THSD7A: variants seen among roughly 807,000 people sequenced by gnomAD.
THSD7A encodes the protein thrombospondin type-1 domain-containing protein 7A.
In THSD7A, 96 loss-of-function variants were observed where a neutral mutation model predicts 231.3. That is an observed-to-expected ratio of 0.41 (90% confidence interval 0.35 to 0.49). THSD7A has a LOEUF of 0.49. THSD7A is among the 20% of genes least tolerant of loss of function. THSD7A has a pLI of 0.05. For missense variants in THSD7A, 2,290 were observed against 2,070.2 expected (o/e 1.11, Z -2.06); for synonymous variants, 940 against 743.3 (o/e 1.26, Z -4.30).
intron 1 of THSD7A, among the ~76,000 whole-genome samples, chr7:11,811,805 G>C (rs1194766410): frequency 6.6e-6 from 1 of 152,072 alleles, no homozygotes; most frequent in Non-Finnish European, 1.5e-5. Context: ...TTTTCACTTG[G>C]ATTCTTTCTG....
At chr7:11,702,360 G>A (rs984282417) in intron 1 of THSD7A, among the ~76,000 whole-genome samples, 1 of 151,194 alleles carries the variant, frequency 6.6e-6, no homozygotes, top group South Asian at 2.1e-4. Flanking sequence ...CCTTGTTACA[G>A]CATGACTGTG....
At chr7:11,785,622 G>C (rs1449179543) in intron 1 of THSD7A, among the ~76,000 whole-genome samples, 2 of 151,980 alleles carry the variant, frequency 1.3e-5, no homozygotes, top group African/African-American at 4.8e-5. Context: ...TGTACTCTTA[G>C]TATACTATGT....
chr7:11,790,244 TTTCTC>T (rs1201733766), intron 1 of THSD7A, among the ~76,000 whole-genome samples: 4 of 151,936 alleles, frequency 2.6e-5, no homozygotes, highest in African/African-American at 9.7e-5. Context: ...GCTTTCTACA[TTTCTC>T]TACCAATAAG....
chr7:11,452,703 G>T (rs1163636608), intron 11 of THSD7A, among the ~76,000 whole-genome samples: 1 of 151,928 alleles, frequency 6.6e-6, no homozygotes, highest in Non-Finnish European at 1.5e-5. Flanking sequence ...ACGGTGCCAA[G>T]CTTATTTTAT....
intron 2 of THSD7A, among the ~76,000 whole-genome samples, chr7:11,617,012 A>G (rs928822889): frequency 1.3e-5 from 2 of 152,352 alleles, no homozygotes; most frequent in African/African-American, 4.8e-5. Flanking sequence ...CAATATTTAA[A>G]AACATATCAC....
At chr7:11,557,810 C>G (rs1347410113) in intron 4 of THSD7A, among the ~76,000 whole-genome samples, 2 of 152,084 alleles carry the variant, frequency 1.3e-5, no homozygotes, top group East Asian at 3.9e-4. Context: ...TAGCAACTAG[C>G]AGTGATGGAA....
At chr7:11,460,579 A>G in intron 11 of THSD7A, 83 bp downstream of exon 11, 2 of 1,054,832 alleles carry the variant, frequency 1.9e-6, no homozygotes, top group Non-Finnish European at 2.8e-6. Flanking sequence ...TTTGCTAAGC[A>G]TGGTGTCCAA....
At chr7:11,661,692 A>G (rs1181104895) in intron 1 of THSD7A, among the ~76,000 whole-genome samples, 3 of 151,238 alleles carry the variant, frequency 2.0e-5, no homozygotes, top group South Asian at 4.1e-4. Flanking sequence ...TTAAGATACA[A>G]TTGAATTAAG....
At chr7:11,432,923 T>G (rs1251776957) in intron 13 of THSD7A, among the ~76,000 whole-genome samples, 1 of 151,984 alleles carries the variant, frequency 6.6e-6, no homozygotes, top group African/African-American at 2.4e-5. Context: ...GATCACAAAT[T>G]TGGCATGAAG....
chr7:11,575,999 T>G (rs1025250159), intron 4 of THSD7A, among the ~76,000 whole-genome samples: 11 of 152,216 alleles, frequency 7.2e-5, no homozygotes, highest in Non-Finnish European at 1.6e-4. Context: ...AACTGGTTTC[T>G]GTTGCCTAAT....
chr7:11,767,012 G>A (rs1783051485), intron 1 of THSD7A, among the ~76,000 whole-genome samples: 1 of 152,116 alleles, frequency 6.6e-6, no homozygotes, highest in Non-Finnish European at 1.5e-5. Context: ...TGGTTAAGGA[G>A]GAGTGCCATG....
intron 6 of THSD7A, among the ~76,000 whole-genome samples, chr7:11,540,449 G>A (rs529622798): frequency 2.6e-5 from 4 of 152,290 alleles, no homozygotes; most frequent in East Asian, 1.9e-4. Context: ...GAATTATGAC[G>A]GTTACCAGAT....
chr7:11,580,761 T>A (rs1791123282), intron 4 of THSD7A, among the ~76,000 whole-genome samples: 1 of 151,882 alleles, frequency 6.6e-6, no homozygotes, highest in East Asian at 1.9e-4. Flanking sequence ...AGGGAGAGGA[T>A]CAGGAAAAAT....
intron 7 of THSD7A, among the ~76,000 whole-genome samples, chr7:11,477,215 C>G (rs1476990397): frequency 6.6e-6 from 1 of 152,092 alleles, no homozygotes; most frequent in Non-Finnish European, 1.5e-5. Context: ...AAATCTTGAA[C>G]AGTTTTTCAA....
chr7:11,742,178 T>C (rs539950486), intron 1 of THSD7A, among the ~76,000 whole-genome samples: 15 of 152,022 alleles, frequency 9.9e-5, no homozygotes, highest in African/African-American at 3.6e-4. Context: ...TCAGTGGAAG[T>C]TGTCATATTC....
intron 1 of THSD7A, among the ~76,000 whole-genome samples, chr7:11,746,735 C>A (rs1031907675): frequency 2.0e-5 from 3 of 151,732 alleles, no homozygotes; most frequent in Non-Finnish European, 2.9e-5. Flanking sequence ...CCAGGATATT[C>A]CACTATAAAG....
intron 1 of THSD7A, among the ~76,000 whole-genome samples, chr7:11,774,998 T>C (rs1400620994): frequency 2.0e-5 from 3 of 152,080 alleles, no homozygotes; most frequent in African/African-American, 7.2e-5. Context: ...GGGGTTGCAG[T>C]GAGCCATTGC....
At chr7:11,747,064 A>T (rs867516716) in intron 1 of THSD7A, among the ~76,000 whole-genome samples, 3 of 152,074 alleles carry the variant, frequency 2.0e-5, no homozygotes, top group Non-Finnish European at 4.4e-5. Flanking sequence ...GCTTTCTATA[A>T]TAGAAAAGAC....
intron 1 of THSD7A, among the ~76,000 whole-genome samples, chr7:11,802,011 A>C (rs1784291020): frequency 6.6e-6 from 1 of 152,226 alleles, no homozygotes; most frequent in Non-Finnish European, 1.5e-5. Flanking sequence ...GGTTATTTAT[A>C]TTGACAGCTT....
Sources: allele counts gnomAD v4.1 joint callset (sites outside exome capture counted in the v4.1 genomes callset), GRCh38; gene constraint gnomAD v4.1.1; transcripts MANE v1.5; gene names NCBI Gene and HGNC (gene_info 2026-07-23, HGNC 2026-07-21).